Variants in RFTN1 observed in about 807,000 individuals in gnomAD.
RFTN1 encodes raftlin.
In RFTN1, 26 loss-of-function variants were observed where a neutral mutation model predicts 46.5. The ratio of observed to expected loss-of-function variants is 0.56; its 90% CI spans 0.41 to 0.78. The LOEUF (loss-of-function observed/expected upper bound fraction) is 0.78, where lower values mean the gene tolerates loss of function less well. RFTN1 is among the 30% of genes least tolerant of loss of function. The pLI, the probability that RFTN1 is intolerant of heterozygous loss-of-function variation, is 0.00. For missense variants in RFTN1, 693 were observed against 718.7 expected, an observed-to-expected ratio of 0.96 and a Z score of 0.41; for synonymous variants, 261 against 284.2, an observed-to-expected ratio of 0.92 and a Z score of 0.82.
intron 7 of RFTN1, chr3:16,339,379 T>C (rs2071155380): frequency 6.6e-6 from 1 of 152,256 alleles, no homozygotes; most frequent in Non-Finnish European, 1.5e-5. Flanking sequence ...CTGATAGGGC[T>C]TCTGAGGTGC....
chr3:16,409,310 C>T (rs1460781895), intron 4 of RFTN1, 65 bp downstream of exon 4: 39 of 1,089,464 alleles, frequency 3.6e-5, no homozygotes, highest in Non-Finnish European at 5.1e-5. Context: ...AAGGCAGCTA[C>T]CTGCCTGTTC....
At position 16,322,760 on chromosome 3, in the gene RFTN1, G is replaced by A. The variant is rs146859367; in HGVS notation, c.1332+616C>T. Among the ~76,000 whole-genome samples, 23 of 152,286 alleles carry A rather than the reference G, an allele frequency of 1.5e-4. No homozygotes were observed. Among genetic ancestry groups the A allele is most frequent in the Admixed American group, 2.0e-4 (3 of 15,306 alleles). ...TCTCTGAGAAGGCCAGTCTCTGTGC[G>A]ACTGTTTCTAGGGTAGTTCAGAGTC... On this transcript the variant is annotated intron_variant, in intron 9 of 9. Coordinates refer to ENST00000334133, the MANE Select transcript of RFTN1 (RefSeq NM_015150.2). This position sits in a 1 kb window ranked among gnomAD's most constrained non-coding sequence, Gnocchi z 6.2.
rs1369007267 is a variant in RFTN1, at chr3:16,440,479, G to C, written c.146-6442C>G. On this transcript the variant is annotated intron_variant, in intron 2 of 9. Transcript: ENST00000334133. The surrounding 1 kb of genome is among the most constrained non-coding windows in gnomAD (Gnocchi z 4.6). ...GGGCTTTGTCCTGCTGCAGTGCAAAGGACAATTCTCTCCTGGCTTCTCCCC... is the reference window on the plus strand; with the variant it reads ...GGGCTTTGTCCTGCTGCAGTGCAAACGACAATTCTCTCCTGGCTTCTCCCC... Among the ~76,000 whole-genome samples the C allele has an allele frequency of 6.6e-6, 1 of 152,190 alleles. No individual in the cohort carries two copies. Among genetic ancestry groups the C allele is most frequent in the African/African-American group, 2.4e-5 (1 of 41,452 alleles).
At chr3:16,375,025 T>A (rs897705466) in intron 5 of RFTN1, among the ~76,000 whole-genome samples, 3 of 152,000 alleles carry the variant, frequency 2.0e-5, no homozygotes, top group Non-Finnish European at 4.4e-5. Context: ...GGAAATAAAT[T>A]AACTGAGGAG....
chr3:16,413,956 G>T lies in RFTN1; in HGVS notation c.333-4473C>A, dbSNP rs2075022336. ...TTATACGGAGCTACCTCTTAACATT[G>T]CTGTAAGGATTAAATAGGACAAAAA... On this transcript the variant is annotated intron_variant, in intron 3 of 9. Transcript: ENST00000334133. This position sits in a 1 kb window ranked among gnomAD's most constrained non-coding sequence, Gnocchi z 4.7. 1.3e-5 allele frequency among the ~76,000 whole-genome samples: 2 copies of T among 152,144 alleles called. No homozygotes were observed. The highest frequency in any genetic ancestry group is 2.9e-5 in the Non-Finnish European group (2 of 68,030).
chr3:16,393,861 G>A (rs141897944), intron 4 of RFTN1, among the ~76,000 whole-genome samples: 4,198 of 151,974 alleles, frequency 0.028, 87 homozygotes, highest in Admixed American at 0.049. Context: ...GGGTTTCACC[G>A]TGTTAGCCAG....
rs184261640 is a variant in RFTN1 at position 16,441,570 on chromosome 3, C to T, written c.146-7533G>A. ...GCCTCCAACACAAGAAAGAAACCAC[C>T]GCATACAGCAACTGCCCATTTCACT... On this transcript the variant is annotated intron_variant, in intron 2 of 9. Transcript: ENST00000334133. 3.0e-4 allele frequency among the ~76,000 whole-genome samples: 45 copies of T among 152,304 alleles called. No homozygotes were observed. In the East Asian group the frequency reaches 7.9e-3, roughly 27 times the overall value.
chr3:16,434,604 G>C (rs1575286057), intron 2 of RFTN1: 1 of 151,662 alleles, frequency 6.6e-6, no homozygotes, highest in African/African-American at 2.4e-5. Flanking sequence ...ATCTAGAGTC[G>C]TCTTATCAGT....
chr3:16,482,829 A>G (rs1277619103), intron 2 of RFTN1: 1 of 1,536,082 alleles, frequency 6.5e-7, no homozygotes, highest in Admixed American at 2.0e-5. Context: ...CAGGGGCAGA[A>G]CAGCCTTTCT....
rs1301958739 is a variant in RFTN1, at chr3:16,421,571, C to T, written c.333-12088G>A. On this transcript the variant is annotated intron_variant, in intron 3 of 9. Coordinates refer to ENST00000334133, the MANE Select transcript of RFTN1 (RefSeq NM_015150.2). This position sits in a 1 kb window ranked among gnomAD's most constrained non-coding sequence, Gnocchi z 4.6. ...TTCACCATGTTGGCCAGGATGGTCT[C>T]GATCCCTTGACTTCGTGATCCGCCC... 6.6e-6 allele frequency among the ~76,000 whole-genome samples: 1 copy of T among 151,922 alleles called. No homozygotes were observed. The highest frequency in any genetic ancestry group is 1.5e-5 in the Non-Finnish European group (1 of 67,972).
intron 3 of RFTN1, among the ~76,000 whole-genome samples, chr3:16,432,022 G>A (rs771859434): frequency 6.6e-6 from 1 of 152,158 alleles, no homozygotes; most frequent in Non-Finnish European, 1.5e-5. Context: ...CCTTTAAAAT[G>A]GGAACAAAGA....
In RFTN1 at chr3:16,450,380, C is replaced by A. The variant is rs767221373; in HGVS notation, c.146-16343G>T. On this transcript the variant is annotated intron_variant, in intron 2 of 9. Transcript: ENST00000334133. The surrounding 1 kb of genome is among the most constrained non-coding windows in gnomAD (Gnocchi z 4.6). The stretch of plus-strand genomic sequence containing the variant: ...GGGAGGCTGAAGAGATAGTGTCTGG[C>A]CACATCCAGGTGCACAGAGGTGGTG... 6.6e-6 allele frequency among the ~76,000 whole-genome samples: 1 copy of A among 152,200 alleles called. No individual in the cohort carries two copies. Among genetic ancestry groups the A allele is most frequent in the Admixed American group, 6.5e-5 (1 of 15,278 alleles).
In RFTN1 at chr3:16,400,203, C is replaced by A. The variant is rs1277374580; in HGVS notation, c.441+9172G>T. On this transcript the variant is annotated intron_variant, in intron 4 of 9. Coordinates refer to ENST00000334133, the MANE Select transcript of RFTN1 (RefSeq NM_015150.2). This position sits in a 1 kb window ranked among gnomAD's most constrained non-coding sequence, Gnocchi z 4.5. ...CCAGCCTCACTCCACCTCACTCACC[C>A]CTCTGTCATTTGCAGGCAAGACAGT... is the stretch of plus-strand genomic sequence containing the variant. Among the ~76,000 whole-genome samples the A allele has an allele frequency of 2.0e-5, 3 of 152,228 alleles. No individual in the cohort carries two copies. The highest frequency in any genetic ancestry group is 7.2e-5 in the African/African-American group (3 of 41,448).
intron 3 of RFTN1, among the ~76,000 whole-genome samples, chr3:16,423,554 T>G (rs1366472023): frequency 6.6e-6 from 1 of 152,120 alleles, no homozygotes; most frequent in Non-Finnish European, 1.5e-5. Context: ...CCACTCTGAG[T>G]CTCATTTCCT....
At chr3:16,467,901 AT>A (rs1282518810) in intron 2 of RFTN1, among the ~76,000 whole-genome samples, 1 of 152,166 alleles carries the variant, frequency 6.6e-6, no homozygotes, top group African/African-American at 2.4e-5. Flanking sequence ...CCACTCGTGC[AT>A]TTTGGCAGCA....
At chr3:16,471,303 A>G (rs2076191358) in intron 2 of RFTN1, among the ~76,000 whole-genome samples, 1 of 152,248 alleles carries the variant, frequency 6.6e-6, no homozygotes, top group African/African-American at 2.4e-5. Context: ...GACAGTATGC[A>G]TAGTGGTTAC....
rs1402730233 is a variant in RFTN1, at chr3:16,465,219, G to GT, written c.145+28505dup. 2.1e-5 allele frequency among the ~76,000 whole-genome samples: 3 copies of GT among 144,908 alleles called. No homozygotes were observed. The highest frequency in any genetic ancestry group is 7.6e-5 in the African/African-American group (3 of 39,554). On this transcript the variant is annotated intron_variant, in intron 2 of 9. Transcript: ENST00000334133. This position sits in a 1 kb window ranked among gnomAD's most constrained non-coding sequence, Gnocchi z 5.1. ...AACTATTCAAGGATGCCACTTCAAG[G>GT]TAAAAAAAAAAAAAGCCTTAGTATT...
At chr3:16,362,266 A>G (rs1197987413) in intron 6 of RFTN1, among the ~76,000 whole-genome samples, 1 of 152,164 alleles carries the variant, frequency 6.6e-6, no homozygotes, top group Non-Finnish European at 1.5e-5. Context: ...TCCCATCCTG[A>G]GAGTCTGTTA....
intron 3 of RFTN1, among the ~76,000 whole-genome samples, chr3:16,416,766 A>G (rs763319856): frequency 5.3e-5 from 8 of 152,190 alleles, no homozygotes; most frequent in African/African-American, 7.2e-5. Flanking sequence ...CTTCAAGGAA[A>G]AAGACCAGGG....
Sources: allele counts gnomAD v4.1 joint callset (sites outside exome capture counted in the v4.1 genomes callset), GRCh38; gene constraint gnomAD v4.1.1; non-coding constraint Gnocchi (gnomAD v3.1); transcripts MANE v1.5; gene names NCBI Gene and HGNC (gene_info 2026-07-23, HGNC 2026-07-21).